KDM7A: variants seen among roughly 807,000 people sequenced by gnomAD.
KDM7A encodes lysine demethylase 7A, also known as lysine-specific demethylase 7A.
In KDM7A, 28 loss-of-function variants were observed where a neutral mutation model predicts 114.8. The observed-to-expected ratio is 0.24, with a 90% CI of 0.18 to 0.33. KDM7A has a LOEUF of 0.33. Ranked by LOEUF, KDM7A falls within the 10% of genes least tolerant of loss-of-function variation. The probability of loss-of-function intolerance (pLI) is 1.00; values close to 1 mark genes in which losing one functional copy is unlikely to be tolerated. For synonymous variants in KDM7A, 423 were observed against 397.8 expected (o/e 1.06, Z -0.75); for missense variants, 942 against 1,142.5 (o/e 0.82, Z 2.53).
At chr7:140,156,090 T>C (rs547867586) in intron 1 of KDM7A, among the ~76,000 whole-genome samples, 70 of 152,296 alleles carry the variant, frequency 4.6e-4, no homozygotes, top group Admixed American at 8.5e-4. Flanking sequence ...TTTCTAGTGT[T>C]TTGAAAAAGA....
chr7:140,129,915 A>C (rs1000307827), intron 3 of KDM7A, among the ~76,000 whole-genome samples: 1 of 152,178 alleles, frequency 6.6e-6, no homozygotes, highest in Non-Finnish European at 1.5e-5. Context: ...AAAAAGAAAA[A>C]ACCAACCAGT....
At position 140,102,984 on chromosome 7, in the gene KDM7A, T is replaced by C. The variant is rs191519014; in HGVS notation, c.1429-824A>G. ...GGTAACATAAACATAAAATCTGCCA[T>C]TTTAACAATTTTTAAGTGTACAGTT... is the stretch of plus-strand genomic sequence containing the variant. On this transcript the variant is annotated intron_variant, in intron 11 of 19. Coordinates refer to ENST00000397560, the MANE Select transcript of KDM7A (RefSeq NM_030647.2). 1.6e-4 allele frequency among the ~76,000 whole-genome samples: 25 copies of C among 152,246 alleles called. No homozygotes were observed. The East Asian group carries it at 4.8e-3, about 29-fold the overall frequency.
chr7:140,109,367 T>C (rs1462918557), intron 11 of KDM7A, among the ~76,000 whole-genome samples: 1 of 152,236 alleles, frequency 6.6e-6, no homozygotes, highest in African/African-American at 2.4e-5. Flanking sequence ...AGCTGTAGAC[T>C]GGAGCTGTTC....
In KDM7A at chr7:140,176,770, A is replaced by G. The variant is rs1794715976; in HGVS notation, c.168T>C (p.Asp56=). 1.4e-6 allele frequency: 2 copies of G among 1,408,162 alleles called. No homozygotes were observed. Among genetic ancestry groups the G allele is most frequent in the Non-Finnish European group, 1.9e-6 (2 of 1,058,066 alleles). The allele number at this position is 1,408,162 out of a possible 1,614,324, so 87.2% of individuals were successfully genotyped here. Reference sequence around the variant, plus strand: ...TGCCGTGGAACCAGTCCTTGCAGATATCGCACTCGATCATGAAGCGGTTCA... The same window carrying G: ...TGCCGTGGAACCAGTCCTTGCAGATGTCGCACTCGATCATGAAGCGGTTCA... ...YDVNRFMIEC[D]ICKDWFHGSC... The change falls in exon 1 of 20, where the codon GAT becomes GAC. Residue 56 remains aspartate, a synonymous_variant. Transcript: ENST00000397560. The surrounding 1 kb of genome is among the most constrained non-coding windows in gnomAD (Gnocchi z 4.4).
At chr7:140,123,578 T>A (rs970132568) in intron 7 of KDM7A, among the ~76,000 whole-genome samples, 2 of 152,144 alleles carry the variant, frequency 1.3e-5, no homozygotes, top group Non-Finnish European at 2.9e-5. Context: ...CAGCTGAGCA[T>A]CCCTAATCTG....
At chr7:140,096,810 G>A in intron 16 of KDM7A, 47 bp from the exon 17 acceptor site, 2 of 1,591,518 alleles carry the variant, frequency 1.3e-6, no homozygotes, top group Non-Finnish European at 1.7e-6. Context: ...TTTTTCTGAT[G>A]ACATTTTTGG....
chr7:140,157,992 A>AAATAAT (rs141893583), intron 1 of KDM7A, among the ~76,000 whole-genome samples: 49 of 146,448 alleles, frequency 3.3e-4, no homozygotes, highest in Admixed American at 4.8e-4. Context: ...ATAAATAAAT[A>AAATAAT]AATAATAATA....
chr7:140,098,590 A>G lies in KDM7A; in HGVS notation c.1918+289T>C, dbSNP rs1025497272. The stretch of plus-strand genomic sequence containing the variant: ...CTTTTATTTTGGGGAGTAGAGGCCT[A>G]TAACATGCATGAGCTTTCAAGTGAC... On this transcript the variant is annotated intron_variant, in intron 14 of 19. Transcript: ENST00000397560. Among the ~76,000 whole-genome samples the G allele has an allele frequency of 7.9e-5, 12 of 152,242 alleles. 1 individual carries two copies. The highest frequency in any genetic ancestry group is 2.9e-4 in the African/African-American group (12 of 41,468).
rs1394866812 is a variant in KDM7A, at chr7:140,091,943, C to A, written c.2592G>T (p.Leu864=). The change falls in exon 19 of 20, where the codon CTG becomes CTT. Residue 864 remains leucine (L), a synonymous_variant. Transcript: ENST00000397560. Reference sequence around the variant, plus strand: ...TACTTATCTGGCACGCCCCCGAAGTCAGGTTTGAATTCTGCATATACTTTC... The same window carrying A: ...TACTTATCTGGCACGCCCCCGAAGTAAGGTTTGAATTCTGCATATACTTTC... The part of the protein sequence containing the change: ...QNGKYMQNSN[L]TSGACQISNG... 3 of 1,613,842 alleles carry A rather than the reference C, an allele frequency of 1.9e-6. No individual in the cohort carries two copies. Among genetic ancestry groups the A allele is most frequent in the Non-Finnish European group, 2.5e-6 (3 of 1,180,002 alleles).
In KDM7A at chr7:140,113,479, G is replaced by GA. The variant is rs1818465993; in HGVS notation, c.1338+11dup. ...CATAAAACACAGTGATTTCACTGTT[G>GA]AAACAACTTACTTCTTTTTTCATCC... On this transcript the variant is annotated intron_variant, in intron 10 of 19. Transcript: ENST00000397560. The GA allele has an allele frequency of 1.3e-6, 2 of 1,483,962 alleles. No homozygotes were observed. Among genetic ancestry groups the GA allele is most frequent in the Non-Finnish European group, 1.9e-6 (2 of 1,070,166 alleles). The allele number at this position is 1,483,962 out of a possible 1,614,324, so 91.9% of individuals were successfully genotyped here.
At chr7:140,139,323 CA>C in intron 1 of KDM7A, 133 bp from the exon 2 acceptor site, 1 of 601,144 alleles carries the variant, frequency 1.7e-6, no homozygotes, top group Non-Finnish European at 3.0e-6. Flanking sequence ...CACAGAAACA[CA>C]TATAAAGATA....
In KDM7A at chr7:140,090,493, T is replaced by C. The variant is rs1463797557; in HGVS notation, c.*601A>G. The C allele has an allele frequency of 6.6e-6, 1 of 152,206 alleles. No homozygotes were observed. The highest frequency in any genetic ancestry group is 2.4e-5 in the African/African-American group (1 of 41,452). The allele number at this position is 152,206 out of a possible 1,614,324, so 9.4% of individuals were successfully genotyped here. A position where few individuals can be genotyped will look rare whatever the true frequency, so the allele number is the denominator to read the frequency against. On this transcript the variant is annotated 3_prime_UTR_variant, in exon 20 of 20. Transcript: ENST00000397560. ...AACACATGAAATATATAAAATAAAATGATTTTCATATACATCTTAATTTAA... is the reference window on the plus strand; with the variant it reads ...AACACATGAAATATATAAAATAAAACGATTTTCATATACATCTTAATTTAA...
In KDM7A at chr7:140,097,010, C is replaced by T. The variant is rs765117434; in HGVS notation, c.2054G>A (p.Gly685Asp). Reference protein sequence around the residue: ...IFTTEESESSGDEKKQEITSN... With the variant: ...IFTTEESESSDDEKKQEITSN... Reference sequence around the variant, plus strand: ...TGTTATTTCTTGTTTCTTTTCATCACCTGAACTTTCAGACTCTTCAGTGGT... The same window carrying T: ...TGTTATTTCTTGTTTCTTTTCATCATCTGAACTTTCAGACTCTTCAGTGGT... The change falls in exon 16 of 20, where the codon GGT (glycine) becomes GAT (aspartate). Residue 685 changes from glycine to aspartate, a missense_variant. Coordinates refer to ENST00000397560, the MANE Select transcript of KDM7A (RefSeq NM_030647.2). The T allele has an allele frequency of 1.2e-6, 2 of 1,612,440 alleles. No individual in the cohort carries two copies. The highest frequency in any genetic ancestry group is 3.3e-5 in the Admixed American group (2 of 59,984).
intron 12 of KDM7A, 113 bp from the exon 13 acceptor site, chr7:140,100,136 G>T: frequency 9.0e-7 from 1 of 1,110,480 alleles, no homozygotes; most frequent in Non-Finnish European, 1.3e-6. Flanking sequence ...CAAAGATACA[G>T]GCAGCCACCT....
intron 1 of KDM7A, 60 bp from the exon 2 acceptor site, chr7:140,139,250 A>C: frequency 8.8e-7 from 1 of 1,138,872 alleles, no homozygotes; most frequent in Non-Finnish European, 1.3e-6. Flanking sequence ...GCTTAACTAT[A>C]ATACAGTGGT....
chr7:140,165,491 A>G (rs1794563926), intron 1 of KDM7A, among the ~76,000 whole-genome samples: 2 of 152,204 alleles, frequency 1.3e-5, no homozygotes, highest in African/African-American at 2.4e-5. Flanking sequence ...CTAAGGTTTC[A>G]GGTACCAGTG....
intron 1 of KDM7A, among the ~76,000 whole-genome samples, chr7:140,163,006 T>TG (rs2116851530): frequency 6.6e-6 from 1 of 151,844 alleles, no homozygotes; most frequent in East Asian, 1.9e-4. Flanking sequence ...CTTTTTTTTT[T>TG]TTTTTTGAGA....
chr7:140,141,117 A>G (rs1321086554), intron 1 of KDM7A, among the ~76,000 whole-genome samples: 1 of 152,234 alleles, frequency 6.6e-6, no homozygotes, highest in Non-Finnish European at 1.5e-5. Context: ...AGGGAAAAGT[A>G]TAAAATATTA....
At chr7:140,102,592 T>G (rs1235128126) in intron 11 of KDM7A, among the ~76,000 whole-genome samples, 2 of 152,102 alleles carry the variant, frequency 1.3e-5, no homozygotes, top group Non-Finnish European at 2.9e-5. Context: ...AGGCTGGTCT[T>G]GAACTCCTGA....
Sources: gnomAD v4.1 joint callset for allele counts (sites outside exome capture counted in the v4.1 genomes callset) on GRCh38, gnomAD v4.1.1 for gene constraint, Gnocchi (gnomAD v3.1) non-coding constraint, MANE v1.5 for transcripts, NCBI Gene and HGNC (gene_info 2026-07-23, HGNC 2026-07-21) for gene names.